TRMT11: variants seen among roughly 807,000 people sequenced by gnomAD.
TRMT11 encodes tRNA (guanine(10)-N(2))-methyltransferase TRMT11.
TRMT11 carries 53 observed loss-of-function variants against 62.8 expected under a neutral mutation model. The ratio of observed to expected loss-of-function variants is 0.84; its 90% CI spans 0.68 to 1.06. The LOEUF (loss-of-function observed/expected upper bound fraction) is 1.06. TRMT11 is among the 50% of genes least tolerant of loss of function. The pLI, the probability that TRMT11 is intolerant of heterozygous loss-of-function variation, is 0.00. For synonymous variants in TRMT11, 188 were observed against 190.3 expected, an observed-to-expected ratio of 0.99 and a Z score of 0.10; for missense variants, 556 against 553.4, an observed-to-expected ratio of 1.00 and a Z score of -0.05.
intron 1 of TRMT11, among the ~76,000 whole-genome samples, chr6:126,185,787 A>G (rs566077143): frequency 3.4e-4 from 52 of 152,306 alleles, no homozygotes; most frequent in Non-Finnish European, 6.6e-4. Flanking sequence ...AGGCTTCAGG[A>G]AACTTACAAT....
At chr6:126,108,326 C>T (rs1583877081) in intron 17 of TRMT11, among the ~76,000 whole-genome samples, 1 of 152,152 alleles carries the variant, frequency 6.6e-6, no homozygotes, top group East Asian at 1.9e-4. Flanking sequence ...TGAATTCTAG[C>T]CCCTTGTGCC....
intron 1 of TRMT11, among the ~76,000 whole-genome samples, chr6:126,191,330 A>G (rs1778596663): frequency 6.6e-6 from 1 of 152,006 alleles, no homozygotes; most frequent in South Asian, 2.1e-4. Flanking sequence ...AGTTCCTCAT[A>G]TATTCTGGTT....
intron 3 of TRMT11, chr6:126,201,969 C>T (rs927756773): frequency 2.0e-5 from 3 of 152,136 alleles, no homozygotes; most frequent in African/African-American, 7.2e-5. Flanking sequence ...TTCCCCTGCA[C>T]CATTAATTTA....
At chr6:126,245,669 A>T in the TRMT11 span, among the ~76,000 whole-genome samples, 23 of 152,370 alleles carry the variant, frequency 1.5e-4, no homozygotes, top group East Asian at 7.7e-4. Context: ...TAGTAACTGA[A>T]ATTGGAAGTG....
At chr6:126,164,795 T>C (rs1245312968) in intron 21 of TRMT11, among the ~76,000 whole-genome samples, 1 of 152,222 alleles carries the variant, frequency 6.6e-6, no homozygotes, top group African/African-American at 2.4e-5. Context: ...AGACTAGGAT[T>C]GCAACCCCTG....
At chr6:126,100,065 G>T (rs748818362) in intron 17 of TRMT11, among the ~76,000 whole-genome samples, 1 of 152,124 alleles carries the variant, frequency 6.6e-6, no homozygotes, top group Non-Finnish European at 1.5e-5. Flanking sequence ...CATGCCCACC[G>T]GTGACACTCT....
At chr6:126,234,738 G>A in the TRMT11 span, among the ~76,000 whole-genome samples, 3 of 151,968 alleles carry the variant, frequency 2.0e-5, no homozygotes, top group African/African-American at 7.3e-5. Flanking sequence ...TAGCACTTAC[G>A]GTGGCAAACT....
At chr6:126,140,935 T>C (rs988766998) in intron 21 of TRMT11, among the ~76,000 whole-genome samples, 5 of 152,100 alleles carry the variant, frequency 3.3e-5, no homozygotes, top group African/African-American at 9.7e-5. Flanking sequence ...CTTCGAATTT[T>C]CTTAAACTCC....
At chr6:126,085,004 G>A (rs1777198581) in intron 17 of TRMT11, among the ~76,000 whole-genome samples, 1 of 152,124 alleles carries the variant, frequency 6.6e-6, no homozygotes, top group African/African-American at 2.4e-5. Flanking sequence ...GAGACCTGAG[G>A]TACAGCATGA....
intron 17 of TRMT11, among the ~76,000 whole-genome samples, chr6:126,056,979 AG>A (rs750479036): frequency 6.6e-6 from 1 of 152,206 alleles, no homozygotes; most frequent in Non-Finnish European, 1.5e-5. Flanking sequence ...TAATTATGGA[AG>A]GGATCAATGT....
chr6:126,113,677 T>C (rs937045798), intron 18 of TRMT11, among the ~76,000 whole-genome samples: 1 of 151,972 alleles, frequency 6.6e-6, no homozygotes, highest in African/African-American at 2.4e-5. Flanking sequence ...ACTTACAGAG[T>C]GGAGCCTCAA....
intron 2 of TRMT11, among the ~76,000 whole-genome samples, chr6:125,995,678 A>G (rs1172720045): frequency 6.6e-6 from 1 of 152,226 alleles, no homozygotes; most frequent in Non-Finnish European, 1.5e-5. Flanking sequence ...ATACTTTGGG[A>G]TATAATATGC....
At chr6:126,052,556 C>T (rs1190351084) in intron 16 of TRMT11, among the ~76,000 whole-genome samples, 1 of 152,040 alleles carries the variant, frequency 6.6e-6, no homozygotes, top group Non-Finnish European at 1.5e-5. Flanking sequence ...CCCTCTGCCC[C>T]CCTTTTTATA....
intron 1 of TRMT11, among the ~76,000 whole-genome samples, chr6:126,191,383 G>A (rs140946914): frequency 1.4e-3 from 210 of 150,502 alleles, no homozygotes; most frequent in African/African-American, 4.9e-3. Context: ...CATTTTCTCC[G>A]ATTCTATAAG....
At chr6:126,200,110 T>G (rs754183673) in intron 3 of TRMT11, among the ~76,000 whole-genome samples, 1 of 151,908 alleles carries the variant, frequency 6.6e-6, no homozygotes, top group Non-Finnish European at 1.5e-5. Flanking sequence ...GTCATGAGAG[T>G]ATAAATGGGA....
intron 17 of TRMT11, among the ~76,000 whole-genome samples, chr6:126,101,283 A>G (rs1777397150): frequency 6.6e-6 from 1 of 152,176 alleles, no homozygotes; most frequent in South Asian, 2.1e-4. Context: ...GCAGACAAGA[A>G]ATTGTTTACT....
chr6:126,016,155 A>C (rs1294842835), intron 11 of TRMT11, among the ~76,000 whole-genome samples: 1 of 152,168 alleles, frequency 6.6e-6, no homozygotes, highest in Admixed American at 6.6e-5. Context: ...GGTGGTTGCC[A>C]AGTGATTCTT....
At chr6:126,012,263 T>C (rs75249246) in intron 9 of TRMT11, among the ~76,000 whole-genome samples, 1 of 150,204 alleles carries the variant, frequency 6.7e-6, no homozygotes, top group African/African-American at 2.4e-5. Flanking sequence ...ATAAAATACA[T>C]TTTTTTTTTC....
intron 7 of TRMT11, among the ~76,000 whole-genome samples, chr6:126,001,942 T>C (rs2128777145): frequency 6.6e-6 from 1 of 152,272 alleles, no homozygotes; most frequent in East Asian, 1.9e-4. Flanking sequence ...ATTCATTATA[T>C]TTCTTAATTT....
Sources: gnomAD v4.1 joint callset for allele counts (sites outside exome capture counted in the v4.1 genomes callset) on GRCh38, gnomAD v4.1.1 for gene constraint, MANE v1.5 for transcripts, NCBI Gene and HGNC (gene_info 2026-07-23, HGNC 2026-07-21) for gene names.